The following MTMR2 variants were observed in gnomAD, a reference collection of about 807,000 sequenced individuals.
The protein encoded by MTMR2 is phosphatidylinositol-3,5-bisphosphate 3-phosphatase MTMR2.
A neutral mutation model predicts 86.9 loss-of-function variants in MTMR2; 55 were observed. The ratio of observed to expected loss-of-function variants is 0.63; its 90% CI spans 0.51 to 0.79. The LOEUF (loss-of-function observed/expected upper bound fraction) is 0.79, where lower values mean the gene tolerates loss of function less well. Among genes scored for constraint, MTMR2 ranks in the 30% least tolerant of loss-of-function variants. The pLI is 0.00. For synonymous variants in MTMR2, 241 were observed against 266.8 expected (o/e 0.90, Z 0.94); for missense variants, 659 against 772.3 (o/e 0.85, Z 1.74).
chr11:95,841,862 G>A (rs890179099), intron 11 of MTMR2, among the ~76,000 whole-genome samples, 153 bp from the exon 12 acceptor site: 1 of 152,220 alleles, frequency 6.6e-6, no homozygotes, highest in Non-Finnish European at 1.5e-5. Flanking sequence ...TTGGGAGGCT[G>A]TGGTGGAAGG....
At chr11:95,861,304 C>T (rs527514967) in intron 5 of MTMR2, among the ~76,000 whole-genome samples, 2 of 151,208 alleles carry the variant, frequency 1.3e-5, no homozygotes, top group African/African-American at 4.8e-5. Context: ...GTAGTAATGT[C>T]TATTGTGCCT....
chr11:95,858,521 A>C lies in MTMR2; in HGVS notation c.570+10T>G. ...TAGCACAAATTTTCCAAAGACAGGA[A>C]ACATTTTACCAGGTTATTAGAGACA... On this transcript the variant is annotated intron_variant, in intron 6 of 14. Transcript: ENST00000346299. The C allele has an allele frequency of 6.4e-7, 1 of 1,560,488 alleles. No homozygotes were observed. The highest frequency in any genetic ancestry group is 8.8e-7 in the Non-Finnish European group (1 of 1,134,444).
chr11:95,851,512 G>A (rs1408146871), intron 7 of MTMR2, among the ~76,000 whole-genome samples: 11 of 152,008 alleles, frequency 7.2e-5, no homozygotes, highest in Admixed American at 1.3e-4. Flanking sequence ...ACAGGCATGC[G>A]CCACCATGCC....
intron 1 of MTMR2, chr11:95,914,173 A>G (rs1866616625): frequency 1.0e-6 from 1 of 983,586 alleles, no homozygotes; most frequent in African/African-American, 1.8e-5. Context: ...GATAATATAT[A>G]ATCCAGAAAT....
chr11:95,838,106 CTGT>C lies in MTMR2; in HGVS notation c.1578_1580del (p.Gln527del), dbSNP rs1281006589. The C allele has an allele frequency of 1.9e-6, 3 of 1,597,126 alleles. No homozygotes were observed. The highest frequency in any genetic ancestry group is 1.7e-6 in the Non-Finnish European group (2 of 1,165,028). On this transcript the variant is annotated inframe_deletion, in exon 13 of 15. Transcript: ENST00000346299. ...TTTCATATTTTACCTCTTTTCCTCT[CTGT>C]TGTTCACTATTACAGAGGAATGTTC...
chr11:95,896,609 T>A (rs913600395), intron 1 of MTMR2, among the ~76,000 whole-genome samples: 2 of 152,090 alleles, frequency 1.3e-5, no homozygotes, highest in African/African-American at 2.4e-5. Context: ...GAAATATTTG[T>A]TAAGGAGTGA....
intron 2 of MTMR2, among the ~76,000 whole-genome samples, chr11:95,867,884 T>C (rs1021317234): frequency 1.3e-5 from 2 of 151,424 alleles, no homozygotes; most frequent in African/African-American, 4.8e-5. Context: ...GAAAGCAGTC[T>C]TCTGAAAATA....
chr11:95,905,306 C>T (rs1175470764), intron 1 of MTMR2, among the ~76,000 whole-genome samples: 2 of 147,142 alleles, frequency 1.4e-5, no homozygotes, highest in Non-Finnish European at 3.0e-5. Context: ...GTGTGATATT[C>T]TTACACACAC....
chr11:95,856,484 TAC>T (rs1251422233), intron 7 of MTMR2, among the ~76,000 whole-genome samples: 7 of 151,202 alleles, frequency 4.6e-5, no homozygotes, highest in Admixed American at 1.3e-4. Context: ...TAACTACAAA[TAC>T]AGTGTCCTCT....
intron 2 of MTMR2, among the ~76,000 whole-genome samples, chr11:95,884,121 C>T (rs1865434780): frequency 6.6e-6 from 1 of 152,116 alleles, no homozygotes; most frequent in Admixed American, 6.5e-5. Context: ...AGAGCCAAAC[C>T]ACAGTCAGTC....
intron 2 of MTMR2, among the ~76,000 whole-genome samples, chr11:95,882,940 G>GTTTT (rs1865389889): frequency 7.7e-6 from 1 of 129,956 alleles, no homozygotes; most frequent in African/African-American, 3.2e-5. Flanking sequence ...GAGAGACGGG[G>GTTTT]TTTCACCGTG....
Position 95,842,418 on chromosome 11 carries a change from C to A in MTMR2, c.1387-709G>T, listed in dbSNP as rs1271692543. Among the ~76,000 whole-genome samples, 3 of 152,152 alleles carry A rather than the reference C, an allele frequency of 2.0e-5. No individual in the cohort carries two copies. The South Asian group carries it at 6.2e-4, about 31-fold the overall frequency. On this transcript the variant is annotated intron_variant, in intron 11 of 14. Coordinates refer to ENST00000346299, the MANE Select transcript of MTMR2 (RefSeq NM_016156.6). ...CTTGACCACTGAGTGAAGGGTACCCCCTCCTATCTTAGCACTAATGTGTCT... is the reference window on the plus strand; with the variant it reads ...CTTGACCACTGAGTGAAGGGTACCCACTCCTATCTTAGCACTAATGTGTCT...
At chr11:95,840,943 A>T (rs1252912604) in intron 12 of MTMR2, among the ~76,000 whole-genome samples, 2 of 152,130 alleles carry the variant, frequency 1.3e-5, no homozygotes, top group Non-Finnish European at 2.9e-5. Flanking sequence ...GGGTTTCGAG[A>T]TGGTTTGAGT....
At chr11:95,913,342 C>A (rs995393091) in intron 1 of MTMR2, among the ~76,000 whole-genome samples, 1 of 152,128 alleles carries the variant, frequency 6.6e-6, no homozygotes, top group Non-Finnish European at 1.5e-5. Context: ...AAAACCACAA[C>A]CTTTCCTGGC....
chr11:95,913,267 G>C (rs1014615141), intron 1 of MTMR2, among the ~76,000 whole-genome samples: 1 of 152,096 alleles, frequency 6.6e-6, no homozygotes, highest in African/African-American at 2.4e-5. Flanking sequence ...ATGCTACATG[G>C]TAAAGTCTAG....
intron 2 of MTMR2, among the ~76,000 whole-genome samples, chr11:95,886,430 G>A (rs934552552): frequency 6.6e-5 from 10 of 152,294 alleles, no homozygotes; most frequent in Admixed American, 6.5e-4. Flanking sequence ...ATGTAAGCCA[G>A]TCATTCACTA....
intron 1 of MTMR2, among the ~76,000 whole-genome samples, chr11:95,909,228 G>C (rs1317403452): frequency 6.6e-6 from 1 of 152,056 alleles, no homozygotes; most frequent in Non-Finnish European, 1.5e-5. Context: ...GGTGGGGGGG[G>C]AAAATTACTC....
At chr11:95,904,066 G>A (rs1025598370) in intron 1 of MTMR2, among the ~76,000 whole-genome samples, 4 of 152,104 alleles carry the variant, frequency 2.6e-5, no homozygotes, top group Non-Finnish European at 5.9e-5. Context: ...AGTGGGCCAA[G>A]ATCACTGCAC....
chr11:95,844,831 C>T (rs1040309935), intron 11 of MTMR2, 122 bp downstream of exon 11: 9 of 908,304 alleles, frequency 9.9e-6, no homozygotes, highest in African/African-American at 3.3e-5. Flanking sequence ...CAAGCAAAAA[C>T]GTTTACCCCA....
Sources: gnomAD v4.1 joint callset for allele counts (sites outside exome capture counted in the v4.1 genomes callset) on GRCh38, gnomAD v4.1.1 for gene constraint, MANE v1.5 for transcripts, NCBI Gene and HGNC (gene_info 2026-07-23, HGNC 2026-07-21) for gene names.